The following TNC variants were observed in gnomAD, a reference collection of about 807,000 sequenced individuals.
The protein encoded by TNC is tenascin.
Under a neutral mutation model 202.4 loss-of-function variants are expected in TNC, and 109 were observed. The observed-to-expected ratio is 0.54, with a 90% CI of 0.46 to 0.63. The LOEUF is 0.63. TNC is among the 30% of genes least tolerant of loss of function. The pLI is 0.00. For synonymous variants in TNC, 1,007 were observed against 1,089.7 expected, an observed-to-expected ratio of 0.92 and a Z score of 1.50; for missense variants, 2,756 against 2,833.3, an observed-to-expected ratio of 0.97 and a Z score of 0.62.
intron 5 of TNC, 74 bp from the exon 6 acceptor site, chr9:115,082,002 G>T: frequency 7.3e-7 from 1 of 1,375,264 alleles, no homozygotes. Context: ...CATTCACTCT[G>T]CATTCATTCA....
At chr9:115,035,455 G>A in intron 21 of TNC, 121 bp from the exon 22 acceptor site, 1 of 1,030,510 alleles carries the variant, frequency 9.7e-7, no homozygotes, top group South Asian at 1.7e-5. Flanking sequence ...CGTGACCTTT[G>A]GCAAGAACTT....
At chr9:115,038,520 G>A in intron 19 of TNC, 140 bp from the exon 20 acceptor site, 1 of 1,139,858 alleles carries the variant, frequency 8.8e-7, no homozygotes, top group Non-Finnish European at 1.2e-6. Context: ...ACCTAAGCCT[G>A]GAGCCAGCCT....
chr9:115,056,407 G>A (rs978721200), intron 15 of TNC, among the ~76,000 whole-genome samples: 7 of 152,098 alleles, frequency 4.6e-5, no homozygotes, highest in African/African-American at 1.4e-4. Flanking sequence ...TTACTGCATG[G>A]CAAAGAGCAT....
At position 115,087,130 on chromosome 9, in the gene TNC, T is replaced by C; in HGVS notation, c.601A>G (p.Ile201Val). The C allele has an allele frequency of 6.2e-7, 1 of 1,614,222 alleles. No individual in the cohort carries two copies. Among genetic ancestry groups the C allele is most frequent in the Non-Finnish European group, 8.5e-7 (1 of 1,180,046 alleles). ...PGNCHLRGRC[I>V]DGQCICDDGF... ...TCGTCACAGATGCACTGCCCATCAA[T>C]GCACCGGCCTCGAAGGTGACAGTTG... Residue 201 changes from isoleucine (I) to valine (V), a missense_variant, in exon 3 of 28, where the codon ATT (isoleucine) becomes GTT (valine). Ile to Val is a conservative substitution (Grantham distance 29). Around this residue, in one of 2 missense-constraint regions of TNC, gnomAD observed 2,559 missense variants for 2,546.0 expected, o/e 1.01. Coordinates refer to ENST00000350763, the MANE Select transcript of TNC (RefSeq NM_002160.4).
intron 17 of TNC, among the ~76,000 whole-genome samples, chr9:115,045,917 T>C (rs1197916183): frequency 2.0e-5 from 3 of 152,124 alleles, no homozygotes; most frequent in African/African-American, 7.2e-5. Context: ...TGTGTATAGA[T>C]AGACGTGCTG....
At chr9:115,036,276 T>A in intron 20 of TNC, 35 bp from the exon 21 acceptor site, 2 of 1,609,312 alleles carry the variant, frequency 1.2e-6, no homozygotes, top group Non-Finnish European at 1.7e-6. Flanking sequence ...GGCAGTCACC[T>A]CTCACTGTCT....
At chr9:115,103,754 A>C (rs1353226104) in intron 1 of TNC, among the ~76,000 whole-genome samples, 1 of 152,206 alleles carries the variant, frequency 6.6e-6, no homozygotes, top group African/African-American at 2.4e-5. Context: ...CATTAAGTAC[A>C]AACCCTCCAA....
Position 115,076,568 on chromosome 9 carries a change from A to G in TNC, c.2682T>C (p.Asp894=), listed in dbSNP as rs771987584. ...AAACACGTCGAAGATTCCTGGGAGC[A>G]TCGAGGCCTGTTTGAGAGAAGGAAC... is the stretch of plus-strand genomic sequence containing the variant. ...PAKETFTTGL[D]APRNLRRVSQ... Residue 894 remains aspartate (D), a synonymous_variant, in exon 8 of 28, where the codon GAT becomes GAC. Transcript: ENST00000350763. The G allele has an allele frequency of 1.9e-6, 3 of 1,614,030 alleles. No homozygotes were observed. The East Asian group carries it at 6.7e-5, about 36-fold the overall frequency.
chr9:115,040,818 C>A (rs1304782086), intron 19 of TNC, 123 bp downstream of exon 19: 5 of 1,279,382 alleles, frequency 3.9e-6, no homozygotes, highest in Admixed American at 5.9e-5. Flanking sequence ...AAATAAAACC[C>A]CCCTTTTTTT....
rs778771273 is a variant in TNC at position 115,064,696 on chromosome 9, C to A, written c.3438G>T (p.Gly1146=). The change falls in exon 11 of 28, where the codon GGG becomes GGT. Residue 1146 remains glycine, a synonymous_variant. Coordinates refer to ENST00000350763, the MANE Select transcript of TNC (RefSeq NM_002160.4). ...CTGGTGTTCTATAGCCCTGGATCAC[C>A]CCATAGATGGAGACTGTATAAGGCG... ...AATPYTVSIY[G]VIQGYRTPVL... is the part of the protein sequence containing the mutation. 59 of 1,614,048 alleles carry A rather than the reference C, an allele frequency of 3.7e-5. No homozygotes were observed. The highest frequency in any genetic ancestry group is 4.9e-5 in the Non-Finnish European group (58 of 1,180,032).
In TNC at chr9:115,078,039, T is replaced by C. The variant is rs747632151; in HGVS notation, c.2578A>G (p.Ile860Val). The C allele has an allele frequency of 2.5e-6, 4 of 1,614,222 alleles. No individual in the cohort carries two copies. The Admixed American group carries it at 5.0e-5, about 20-fold the overall frequency. The part of the protein sequence containing the change: ...DLTEDENQYS[I>V]GNLKPDTEYE... Reference sequence around the variant, plus strand: ...TCAGTGTCAGGCTTCAGGTTCCCGATGGAGTACTGGTTCTCGTCCTCTGTG... The same window carrying C: ...TCAGTGTCAGGCTTCAGGTTCCCGACGGAGTACTGGTTCTCGTCCTCTGTG... The change falls in exon 7 of 28, where the codon ATC becomes GTC. Residue 860 changes from isoleucine (I) to valine (V), a missense_variant. By Grantham distance (29) the Ile-to-Val change is conservative (BLOSUM62 3). Around this residue, in one of 2 missense-constraint regions of TNC, gnomAD observed 2,559 missense variants for 2,546.0 expected, o/e 1.01. Coordinates refer to ENST00000350763, the MANE Select transcript of TNC (RefSeq NM_002160.4).
At chr9:115,108,927 T>C (rs758133320) in intron 1 of TNC, among the ~76,000 whole-genome samples, 1 of 152,240 alleles carries the variant, frequency 6.6e-6, no homozygotes, top group Non-Finnish European at 1.5e-5. Context: ...ACTCAGTTTA[T>C]GGTATTTTGT....
At position 115,086,264 on chromosome 9, in the gene TNC, G is replaced by C; in HGVS notation, c.1467C>G (p.Asp489Glu). 6.2e-7 allele frequency: 1 copy of C among 1,614,144 alleles called. No individual in the cohort carries two copies. The highest frequency in any genetic ancestry group is 8.5e-7 in the Non-Finnish European group (1 of 1,180,028). ...RCVNGMCVCD[D>E]GYTGEDCRDR... ...CCCGGCAGTCTTCCCCTGTGTAGCC[G>C]TCATCACAAACACACATGCCATTCA... Residue 489 changes from aspartate to glutamate, a missense_variant, in exon 3 of 28, where the codon GAC (aspartate) becomes GAG (glutamate). This residue lies in a region of TNC where 2,559 missense variants were observed against 2,546.0 expected (regional missense o/e 1.01). Coordinates refer to ENST00000350763, the MANE Select transcript of TNC (RefSeq NM_002160.4).
intron 2 of TNC, among the ~76,000 whole-genome samples, chr9:115,090,182 C>T (rs1835111837): frequency 6.6e-6 from 1 of 152,158 alleles, no homozygotes; most frequent in Non-Finnish European, 1.5e-5. Flanking sequence ...GATGGGGCCA[C>T]AGCAGTACCT....
At chr9:115,031,465 A>T in intron 23 of TNC, 88 bp downstream of exon 23, 1 of 1,361,516 alleles carries the variant, frequency 7.3e-7, no homozygotes, top group Non-Finnish European at 9.6e-7. Context: ...TTGTTTGAAA[A>T]TTTTAAAGTA....
Position 115,057,302 on chromosome 9 carries a change from C to A in TNC, c.4430G>T (p.Arg1477Met). 6.2e-7 allele frequency: 1 copy of A among 1,614,190 alleles called. No individual in the cohort carries two copies. The highest frequency in any genetic ancestry group is 8.5e-7 in the Non-Finnish European group (1 of 1,180,036). Residue 1477 changes from arginine to methionine, a missense_variant, in exon 15 of 28, where the codon AGG (arginine) becomes ATG (methionine). This residue lies in a region of TNC where 2,559 missense variants were observed against 2,546.0 expected (regional missense o/e 1.01). Transcript: ENST00000350763. ...ATTATATTCCACAGTCTCCAGCAAC[C>A]TATTGGAATCAATAATTTCAATGGT... is the stretch of plus-strand genomic sequence containing the variant. ...TFTIEIIDSN[R>M]LLETVEYNIS...
In TNC at chr9:115,086,242, G is replaced by T. The variant is rs534887266; in HGVS notation, c.1489C>A (p.Arg497=). The stretch of plus-strand genomic sequence containing the variant: ...CAGTCCCTGGGGCATTGGCGATCCC[G>T]GCAGTCTTCCCCTGTGTAGCCGTCA... ...CDDGYTGEDC[R]DRQCPRDCSN... Residue 497 remains arginine (R), a synonymous_variant, in exon 3 of 28, where the codon CGG becomes AGG. Coordinates refer to ENST00000350763, the MANE Select transcript of TNC (RefSeq NM_002160.4). 6.2e-7 allele frequency: 1 copy of T among 1,614,162 alleles called. No individual in the cohort carries two copies. Among genetic ancestry groups the T allele is most frequent in the Non-Finnish European group, 8.5e-7 (1 of 1,180,040 alleles).
chr9:115,024,849 C>A (rs1829356075), intron 26 of TNC, among the ~76,000 whole-genome samples: 1 of 152,336 alleles, frequency 6.6e-6, no homozygotes, highest in East Asian at 1.9e-4. Context: ...ATTTTTGAAG[C>A]ATTTCAGTAC....
At chr9:115,039,809 C>T (rs1301346420) in intron 19 of TNC, among the ~76,000 whole-genome samples, 1 of 152,224 alleles carries the variant, frequency 6.6e-6, no homozygotes. Context: ...TTGGGAGGAA[C>T]TACGTTCAGC....
Sources: allele counts gnomAD v4.1 joint callset (sites outside exome capture counted in the v4.1 genomes callset), GRCh38; gene constraint gnomAD v4.1.1; regional missense constraint gnomAD v4.1.1; transcripts MANE v1.5; gene names NCBI Gene and HGNC (gene_info 2026-07-23, HGNC 2026-07-21).